Variants in TRAPPC10 observed in about 807,000 individuals in gnomAD.
TRAPPC10 encodes the protein trafficking protein particle complex subunit 10, also known as TRAPP 130 kDa subunit.
A neutral mutation model predicts 125.5 loss-of-function variants in TRAPPC10; 23 were observed. The observed-to-expected ratio is 0.18, with a 90% CI of 0.13 to 0.26. The LOEUF (loss-of-function observed/expected upper bound fraction) is 0.26. Ranked by LOEUF, TRAPPC10 falls within the 10% of genes least tolerant of loss-of-function variation. TRAPPC10 has a pLI of 1.00. For synonymous variants in TRAPPC10, 509 were observed against 518.0 expected, an observed-to-expected ratio of 0.98 and a Z score of 0.24; for missense variants, 1,123 against 1,308.4, an observed-to-expected ratio of 0.86 and a Z score of 2.19.
chr21:44,043,207 C>A (rs890866764), intron 3 of TRAPPC10, among the ~76,000 whole-genome samples: 2 of 132,890 alleles, frequency 1.5e-5, no homozygotes, highest in Non-Finnish European at 3.1e-5. Flanking sequence ...TTAATTATTA[C>A]GCTTTTTTTT....
intron 3 of TRAPPC10, among the ~76,000 whole-genome samples, chr21:44,051,705 TCA>T (rs2035243891): frequency 6.6e-6 from 1 of 152,260 alleles, no homozygotes; most frequent in Non-Finnish European, 1.5e-5. Context: ...TTCTGAGGTC[TCA>T]CAGCTGTAGC....
At chr21:44,068,574 A>G (rs1388758736) in intron 7 of TRAPPC10, among the ~76,000 whole-genome samples, 3 of 152,172 alleles carry the variant, frequency 2.0e-5, no homozygotes, top group Non-Finnish European at 4.4e-5. Context: ...AAGGGAAAAG[A>G]CGGAGTTCCA....
chr21:44,085,129 G>A (rs1200250047), intron 15 of TRAPPC10, among the ~76,000 whole-genome samples: 1 of 152,138 alleles, frequency 6.6e-6, no homozygotes, highest in African/African-American at 2.4e-5. Context: ...TGCCACTGCT[G>A]AAAGGCCCGA....
chr21:44,034,852 C>T lies in TRAPPC10; in HGVS notation c.149+2680C>T, dbSNP rs77703650. On this transcript the variant is annotated intron_variant, in intron 2 of 22. Transcript: ENST00000291574. ...AGATGAGAGTGATGTGTTCATGAGC[C>T]GAAGAATGCTGAGGATGCCAGCAGC... Among the ~76,000 whole-genome samples the T allele has an allele frequency of 5.7e-3, 868 of 152,174 alleles. 13 individuals carry two copies. Among genetic ancestry groups the T allele is most frequent in the African/African-American group, 0.02 (840 of 41,520 alleles).
At chr21:44,092,243 G>A (rs2038636797) in intron 19 of TRAPPC10, among the ~76,000 whole-genome samples, 194 bp downstream of exon 19, 2 of 152,230 alleles carry the variant, frequency 1.3e-5, no homozygotes, top group South Asian at 4.1e-4. Flanking sequence ...GTGGCTGGAT[G>A]GATGAATTCT....
At chr21:44,027,296 T>C (rs1421776175) in intron 1 of TRAPPC10, among the ~76,000 whole-genome samples, 1 of 152,230 alleles carries the variant, frequency 6.6e-6, no homozygotes, top group South Asian at 2.1e-4. Context: ...GCTTAGCCAC[T>C]CTCTCAGGGT....
intron 4 of TRAPPC10, among the ~76,000 whole-genome samples, chr21:44,054,001 TAC>T (rs1220652156): frequency 6.6e-6 from 1 of 152,214 alleles, no homozygotes; most frequent in Non-Finnish European, 1.5e-5. Flanking sequence ...TGAAAACAGT[TAC>T]TGTTTTGGTG....
intron 3 of TRAPPC10, among the ~76,000 whole-genome samples, chr21:44,051,010 TCC>T (rs2035197366): frequency 6.6e-6 from 1 of 152,142 alleles, no homozygotes; most frequent in African/African-American, 2.4e-5. Context: ...TTCAAGCAAT[TCC>T]CCTGCCTCAG....
At chr21:44,021,457 A>T (rs1263828458) in intron 1 of TRAPPC10, among the ~76,000 whole-genome samples, 2 of 152,240 alleles carry the variant, frequency 1.3e-5, no homozygotes, top group Non-Finnish European at 2.9e-5. Context: ...ATATTTTATT[A>T]TAAAAGTGCA....
At chr21:44,080,341 T>C (rs1313801135) in intron 13 of TRAPPC10, among the ~76,000 whole-genome samples, 2 of 152,154 alleles carry the variant, frequency 1.3e-5, no homozygotes, top group Admixed American at 1.3e-4. Flanking sequence ...AAGGACAGTC[T>C]CTTAACCACA....
chr21:44,095,276 A>AC (rs1236903576), intron 20 of TRAPPC10, among the ~76,000 whole-genome samples: 1 of 150,872 alleles, frequency 6.6e-6, no homozygotes, highest in Non-Finnish European at 1.5e-5. Context: ...ACGGAGTTTC[A>AC]CACTTGTTGC....
intron 1 of TRAPPC10, among the ~76,000 whole-genome samples, chr21:44,025,501 C>G (rs536560346): frequency 6.6e-6 from 1 of 152,262 alleles, no homozygotes; most frequent in Admixed American, 6.5e-5. Context: ...ATGCATTTAT[C>G]CAGTCTTTTT....
intron 17 of TRAPPC10, chr21:44,089,443 A>G (rs1385574648): frequency 4.7e-6 from 2 of 423,942 alleles, no homozygotes; most frequent in Non-Finnish European, 9.8e-6. Context: ...GGCTAATGTC[A>G]TCTGGAAATA....
chr21:44,025,558 AG>A (rs2147205733), intron 1 of TRAPPC10, among the ~76,000 whole-genome samples: 1 of 152,294 alleles, frequency 6.6e-6, no homozygotes, highest in African/African-American at 2.4e-5. Flanking sequence ...GGGCTAGAGA[AG>A]GCAACTTGTT....
At chr21:44,056,594 G>C (rs895763614) in intron 5 of TRAPPC10, among the ~76,000 whole-genome samples, 1 of 152,192 alleles carries the variant, frequency 6.6e-6, no homozygotes, top group Admixed American at 6.5e-5. Flanking sequence ...TCTTTTCTCT[G>C]TAAAAAATGA....
At chr21:44,041,726 A>T (rs960203168) in intron 3 of TRAPPC10, among the ~76,000 whole-genome samples, 6 of 151,318 alleles carry the variant, frequency 4.0e-5, no homozygotes, top group Admixed American at 6.6e-5. Context: ...TTATTTATTT[A>T]TTATTATTAT....
At chr21:44,027,929 T>G (rs1037944793) in intron 1 of TRAPPC10, among the ~76,000 whole-genome samples, 1 of 152,176 alleles carries the variant, frequency 6.6e-6, no homozygotes, top group Admixed American at 6.5e-5. Flanking sequence ...AAGCCTTGAC[T>G]CAGACTTACA....
chr21:44,062,262 G>A (rs2036113465), intron 6 of TRAPPC10, among the ~76,000 whole-genome samples: 1 of 152,176 alleles, frequency 6.6e-6, no homozygotes, highest in South Asian at 2.1e-4. Context: ...TACTTACTGA[G>A]GGACCACCAT....
chr21:44,088,921 G>C (rs1315649648), intron 17 of TRAPPC10: 1 of 162,592 alleles, frequency 6.2e-6, no homozygotes, highest in Admixed American at 6.8e-5. Context: ...GCTGTGTGCC[G>C]TGTTATCCCA....
Sources: allele counts gnomAD v4.1 joint callset (sites outside exome capture counted in the v4.1 genomes callset), GRCh38; gene constraint gnomAD v4.1.1; transcripts MANE v1.5; gene names NCBI Gene and HGNC (gene_info 2026-07-23, HGNC 2026-07-21).